The following LGALS4 variants were observed in gnomAD, a reference collection of about 807,000 sequenced individuals.
LGALS4 encodes galectin-4.
In LGALS4, 37 loss-of-function variants were observed where a neutral mutation model predicts 39.6. The ratio of observed to expected loss-of-function variants is 0.93; its 90% CI spans 0.72 to 1.23. The LOEUF (loss-of-function observed/expected upper bound fraction) is 1.23. Ranked by LOEUF, LGALS4 falls within the 50% of genes most tolerant of loss-of-function variation. The pLI, the probability that LGALS4 is intolerant of heterozygous loss-of-function variation, is 0.00. For synonymous variants in LGALS4, 160 were observed against 165.5 expected, an observed-to-expected ratio of 0.97 and a Z score of 0.25; for missense variants, 397 against 433.2, an observed-to-expected ratio of 0.92 and a Z score of 0.74.
rs560533040 is a variant in LGALS4, at chr19:38,808,579, A to T, written c.339+165T>A. Among the ~76,000 whole-genome samples the T allele has an allele frequency of 1.1e-4, 17 of 149,378 alleles. No homozygotes were observed. In the South Asian group the frequency reaches 3.4e-3, roughly 30 times the overall value. Reference sequence around the variant, plus strand: ...GCAGAGGTTGCAGTAAGCTGAGATCATGCCACTGCACTCCAGCCTGGGCAA... The same window carrying T: ...GCAGAGGTTGCAGTAAGCTGAGATCTTGCCACTGCACTCCAGCCTGGGCAA... On this transcript the variant is annotated intron_variant, in intron 3 of 9. Transcript: ENST00000307751.
chr19:38,810,354 C>CTTTT (rs761533885), intron 2 of LGALS4, among the ~76,000 whole-genome samples: 6 of 92,876 alleles, frequency 6.5e-5, no homozygotes, highest in Non-Finnish European at 8.0e-5. Context: ...GAGATTTCGC[C>CTTTT]TTTTTTTTTT....
chr19:38,806,714 AG>A (rs1012800936), intron 3 of LGALS4, 119 bp from the exon 4 acceptor site: 13 of 987,500 alleles, frequency 1.3e-5, no homozygotes, highest in Non-Finnish European at 1.5e-5. Context: ...TGGGAGGCTG[AG>A]GGGGGTGGAT....
intron 2 of LGALS4, 126 bp downstream of exon 2, chr19:38,812,305 G>A (rs1225235946): frequency 1.4e-6 from 1 of 740,402 alleles, no homozygotes; most frequent in East Asian, 2.7e-5. Flanking sequence ...TGGCTATTGG[G>A]TGGGGCAGAA....
In LGALS4 at chr19:38,806,574, A is replaced by C. The variant is rs1228738066; in HGVS notation, c.361T>G (p.Phe121Val). Residue 121 changes from phenylalanine to valine, a missense_variant, in exon 4 of 10, where the codon TTC becomes GTC. Physicochemically the swap from Phe to Val is conservative, Grantham distance 50 (BLOSUM62 -1). Transcript: ENST00000307751. ...HYKVVVNGNP[F>V]YEYGHRLPLQ... ...GGAAGCCGGTGCCCGTACTCATAGA[A>C]GGGATTTCCATTTACCACCACCTGG... 8 of 1,613,912 alleles carry C rather than the reference A, an allele frequency of 5.0e-6. No individual in the cohort carries two copies. Among genetic ancestry groups the C allele is most frequent in the Admixed American group, 1.7e-5 (1 of 59,984 alleles).
intron 6 of LGALS4, 51 bp from the exon 7 acceptor site, chr19:38,803,602 T>G: frequency 6.2e-7 from 1 of 1,606,556 alleles, no homozygotes; most frequent in Non-Finnish European, 8.5e-7. Context: ...GACAGATATC[T>G]ATGACACACC....
chr19:38,812,878 A>G lies in LGALS4; in HGVS notation c.9T>C (p.Tyr3=). 6.2e-7 allele frequency: 1 copy of G among 1,612,134 alleles called. No homozygotes were observed. Among genetic ancestry groups the G allele is most frequent in the South Asian group, 1.1e-5 (1 of 91,068 alleles). Residue 3 remains tyrosine, a synonymous_variant, in exon 1 of 10, where the codon TAT becomes TAC. Coordinates refer to ENST00000307751, the MANE Select transcript of LGALS4 (RefSeq NM_006149.4). The part of the protein sequence containing the change: MA[Y]VPAPGYQPTY... ...TGGGCTGGTAGCCCGGTGCGGGGAC[A>G]TAGGCCATCGCTCGAGGCTGCGCTA...
At chr19:38,802,222 C>A in intron 8 of LGALS4, 65 bp from the exon 9 acceptor site, 1 of 1,599,968 alleles carries the variant, frequency 6.3e-7, no homozygotes, top group Non-Finnish European at 8.6e-7. Flanking sequence ...TGGGCTGGAC[C>A]TCTGAATCCC....
rs145495409 is a variant in LGALS4, at chr19:38,803,871, G to A, written c.499C>T (p.Pro167Ser). 75 of 1,611,482 alleles carry A rather than the reference G, an allele frequency of 4.7e-5. No homozygotes were observed. The highest frequency in any genetic ancestry group is 5.7e-5 in the Non-Finnish European group (67 of 1,178,832). The change falls in exon 5 of 10, where the codon CCT becomes TCT. Residue 167 changes from proline to serine, a missense_variant and splice_region_variant. Transcript: ENST00000307751. Reference sequence around the variant, plus strand: ...CTCACCTATCAGCAAGTACTTACAGGGTAAGGTGGCATCATCGGGGGTCCC... The same window carrying A: ...CTCACCTATCAGCAAGTACTTACAGAGTAAGGTGGCATCATCGGGGGTCCC... ...PQGPPMMPPY[P>S]GPGHCHQQLN...
chr19:38,812,426 C>A lies in LGALS4; in HGVS notation c.134+5G>T. 1 of 1,613,904 alleles carries A rather than the reference C, an allele frequency of 6.2e-7. No individual in the cohort carries two copies. Among genetic ancestry groups the A allele is most frequent in the South Asian group, 1.1e-5 (1 of 91,076 alleles). ...CAGCCCGGCCTGGCTTGGGGAGGGTCTTACCGCTTCATGTGCTCGCTGGCC... is the reference window on the plus strand; with the variant it reads ...CAGCCCGGCCTGGCTTGGGGAGGGTATTACCGCTTCATGTGCTCGCTGGCC... On this transcript the variant is annotated splice_donor_5th_base_variant and intron_variant, in intron 2 of 9. Transcript: ENST00000307751.
chr19:38,803,758 T>G lies in LGALS4; in HGVS notation c.524A>C (p.Gln175Pro). Residue 175 changes from glutamine (Q) to proline (P), a missense_variant, in exon 6 of 10, where the codon CAG becomes CCG. Physicochemically the swap from Gln to Pro is moderately conservative, Grantham distance 76 (BLOSUM62 -1). Coordinates refer to ENST00000307751, the MANE Select transcript of LGALS4 (RefSeq NM_006149.4). Reference sequence around the variant, plus strand: ...CCCACTCACGGGCAGGCTGTTCAGCTGTTGATGGCAATGTCCGGGACCCTG... The same window carrying G: ...CCCACTCACGGGCAGGCTGTTCAGCGGTTGATGGCAATGTCCGGGACCCTG... The part of the protein sequence containing the change: ...PYPGPGHCHQ[Q>P]LNSLPTMEGP... 1 of 1,613,604 alleles carries G rather than the reference T, an allele frequency of 6.2e-7. No homozygotes were observed. Among genetic ancestry groups the G allele is most frequent in the Non-Finnish European group, 8.5e-7 (1 of 1,179,840 alleles).
chr19:38,810,354 CTTTTTTTTTTTTTTT>C (rs761533885), intron 2 of LGALS4, among the ~76,000 whole-genome samples: 88 of 92,890 alleles, frequency 9.5e-4, no homozygotes, highest in African/African-American at 4.2e-3. Context: ...GAGATTTCGC[CTTTTTTTTTTTTTTT>C]TTTTTTTTTT....
chr19:38,802,483 T>TATTTTCTTTC, intron 7 of LGALS4, 79 bp from the exon 8 acceptor site: 1 of 1,108,174 alleles, frequency 9.0e-7, no homozygotes, highest in Non-Finnish European at 1.4e-6. Flanking sequence ...CTTTTTCTTT[T>TATTTTCTTTC]CTTTTCTTTC....
rs778662412 is a variant in LGALS4, at chr19:38,812,650, C to T, written c.46-131G>A. 26 of 962,142 alleles carry T rather than the reference C, an allele frequency of 2.7e-5. No individual in the cohort carries two copies. In the African/African-American group the frequency reaches 2.8e-4, roughly 10 times the overall value. 59.6% of individuals were successfully genotyped at this position (962,142 alleles called of 1,614,324 possible). On this transcript the variant is annotated intron_variant, in intron 1 of 9. Coordinates refer to ENST00000307751, the MANE Select transcript of LGALS4 (RefSeq NM_006149.4). ...TGGGGGAGGACCAGGTTGAAGATGA[C>T]GAGGGCCAACAGTTAGACGTGGACA...
chr19:38,801,790 C>T lies in LGALS4; in HGVS notation c.946G>A (p.Val316Ile). 1 of 1,614,184 alleles carries T rather than the reference C, an allele frequency of 6.2e-7. No homozygotes were observed. The highest frequency in any genetic ancestry group is 8.5e-7 in the Non-Finnish European group (1 of 1,180,026). Residue 316 changes from valine to isoleucine, a missense_variant, in exon 10 of 10, where the codon GTC becomes ATC. By Grantham distance (29) the Val-to-Ile change is conservative (BLOSUM62 3). Coordinates refer to ENST00000307751, the MANE Select transcript of LGALS4 (RefSeq NM_006149.4). ...TAGATCTGGACATAGGACAAGGTGA[C>T]ATCACCCTGGATTTCCAATGTGTCC... ...RVDTLEIQGDVTLSYVQI is the reference protein window; with the variant it reads ...RVDTLEIQGDITLSYVQI
intron 3 of LGALS4, among the ~76,000 whole-genome samples, chr19:38,807,940 C>T (rs1971441872): frequency 6.6e-6 from 1 of 151,992 alleles, no homozygotes; most frequent in South Asian, 2.1e-4. Context: ...TAAGAGTCAT[C>T]ACCACTCCCT....
At chr19:38,803,931 G>A in intron 4 of LGALS4, 36 bp from the exon 5 acceptor site, 1 of 1,589,178 alleles carries the variant, frequency 6.3e-7, no homozygotes, top group South Asian at 1.1e-5. Flanking sequence ...TTATGAGAGG[G>A]TCCCCAGATT....
At chr19:38,804,633 A>G (rs1971400981) in intron 4 of LGALS4, among the ~76,000 whole-genome samples, 2 of 152,012 alleles carry the variant, frequency 1.3e-5, no homozygotes, top group African/African-American at 2.4e-5. Flanking sequence ...CTTGACTTCT[A>G]TTCTCAGCCA....
chr19:38,811,637 G>A (rs1457522562), intron 2 of LGALS4, among the ~76,000 whole-genome samples: 1 of 151,840 alleles, frequency 6.6e-6, no homozygotes, highest in Non-Finnish European at 1.5e-5. Context: ...TCCAGCTTGG[G>A]CAACAGAGCA....
chr19:38,805,015 C>T (rs535496176), intron 4 of LGALS4, among the ~76,000 whole-genome samples: 31 of 151,210 alleles, frequency 2.1e-4, no homozygotes, highest in African/African-American at 5.8e-4. Context: ...AATTTAAAAA[C>T]TAGCTGGGGC....
Sources: gnomAD v4.1 joint callset for allele counts (sites outside exome capture counted in the v4.1 genomes callset) on GRCh38, gnomAD v4.1.1 for gene constraint, MANE v1.5 for transcripts, NCBI Gene and HGNC (gene_info 2026-07-23, HGNC 2026-07-21) for gene names.